The following MAF variants were observed in gnomAD, a reference collection of about 807,000 sequenced individuals.
The protein encoded by MAF is MAF bZIP transcription factor.
A neutral mutation model predicts 22.0 loss-of-function variants in MAF; 10 were observed. The ratio of observed to expected loss-of-function variants is 0.45; its 90% CI spans 0.28 to 0.77. The LOEUF (loss-of-function observed/expected upper bound fraction) is 0.77, where lower values mean the gene tolerates loss of function less well. MAF is among the 30% of genes least tolerant of loss of function. The pLI, the probability that MAF is intolerant of heterozygous loss-of-function variation, is 0.12. For missense variants in MAF, 544 were observed against 548.4 expected (o/e 0.99, Z 0.08); for synonymous variants, 337 against 255.8 (o/e 1.32, Z -3.03).
At chr16:79,394,102 T>C in the MAF span, among the ~76,000 whole-genome samples, 1 of 152,180 alleles carries the variant, frequency 6.6e-6, no homozygotes, top group Non-Finnish European at 1.5e-5. Context: ...ATTCTCTGTG[T>C]GGTTGCCCAT....
chr16:79,224,496 G>C, the MAF span, among the ~76,000 whole-genome samples: 1 of 152,216 alleles, frequency 6.6e-6, no homozygotes, highest in African/African-American at 2.4e-5. Context: ...CATAGTATTG[G>C]AAGTTCTGGC....
chr16:79,221,918 A>AT, the MAF span, among the ~76,000 whole-genome samples: 2 of 151,964 alleles, frequency 1.3e-5, no homozygotes, highest in Non-Finnish European at 2.9e-5. Context: ...TTTGTCTTTG[A>AT]TTTTTTTTCA....
chr16:79,544,452 A>T, the MAF span, among the ~76,000 whole-genome samples: 1 of 152,136 alleles, frequency 6.6e-6, no homozygotes, highest in Non-Finnish European at 1.5e-5. Context: ...TCCCTAAATA[A>T]TATTCCATCA....
chr16:79,522,727 T>C, the MAF span, among the ~76,000 whole-genome samples: 1 of 152,194 alleles, frequency 6.6e-6, no homozygotes, highest in African/African-American at 2.4e-5. Flanking sequence ...CTTCCTGGAT[T>C]GAGATCAATC....
chr16:79,251,492 T>C, the MAF span, among the ~76,000 whole-genome samples: 5 of 152,208 alleles, frequency 3.3e-5, no homozygotes, highest in East Asian at 9.7e-4. Flanking sequence ...ATTTTTTGTA[T>C]TTTTAGTAGA....
At chr16:79,283,535 A>G in the MAF span, among the ~76,000 whole-genome samples, 2 of 152,184 alleles carry the variant, frequency 1.3e-5, no homozygotes, top group African/African-American at 4.8e-5. Flanking sequence ...TTTTCTGATG[A>G]CTGAAAGAAA....
the MAF span, among the ~76,000 whole-genome samples, chr16:79,241,810 A>G: frequency 7.2e-5 from 11 of 152,104 alleles, no homozygotes; most frequent in Non-Finnish European, 1.2e-4. Flanking sequence ...TGGGTTACCC[A>G]CAAAGGGAAG....
the MAF span, among the ~76,000 whole-genome samples, chr16:79,219,461 G>A: frequency 2.7e-5 from 4 of 148,008 alleles, no homozygotes; most frequent in South Asian, 6.5e-4. Context: ...TGAGGCAGGA[G>A]AATGGCGTGA....
the MAF span, among the ~76,000 whole-genome samples, chr16:79,223,206 G>C: frequency 6.6e-6 from 1 of 152,178 alleles, no homozygotes; most frequent in Admixed American, 6.5e-5. Flanking sequence ...TCAGGATTAA[G>C]AAACTCACTC....
the MAF span, among the ~76,000 whole-genome samples, chr16:79,304,516 T>G: frequency 6.6e-6 from 1 of 152,216 alleles, no homozygotes; most frequent in African/African-American, 2.4e-5. Flanking sequence ...ACCTTTTTTG[T>G]GGGTCTGGTC....
chr16:79,256,710 C>G, the MAF span, among the ~76,000 whole-genome samples: 1 of 152,128 alleles, frequency 6.6e-6, no homozygotes, highest in Non-Finnish European at 1.5e-5. Context: ...GTCTGTTCAC[C>G]GGCACTCAAT....
the MAF span, among the ~76,000 whole-genome samples, chr16:79,364,235 T>C: frequency 2.6e-5 from 4 of 151,824 alleles, no homozygotes; most frequent in African/African-American, 9.7e-5. Flanking sequence ...AGAAAACGAA[T>C]CCAAGAATGT....
At chr16:79,493,689 T>C in the MAF span, among the ~76,000 whole-genome samples, 2 of 151,982 alleles carry the variant, frequency 1.3e-5, no homozygotes, top group South Asian at 4.1e-4. Context: ...GACAAAAGAG[T>C]TGATAAAAGG....
chr16:79,552,770 A>AT, the MAF span, among the ~76,000 whole-genome samples: 7 of 151,984 alleles, frequency 4.6e-5, no homozygotes, highest in Non-Finnish European at 8.8e-5. Flanking sequence ...TGGGAGGGGC[A>AT]TTTTTTTCTC....
At chr16:79,237,986 G>T in the MAF span, among the ~76,000 whole-genome samples, 1 of 152,064 alleles carries the variant, frequency 6.6e-6, no homozygotes, top group Non-Finnish European at 1.5e-5. Context: ...CTCCTGACTT[G>T]CTTCTCTACT....
chr16:79,486,342 A>C, the MAF span, among the ~76,000 whole-genome samples: 2 of 152,246 alleles, frequency 1.3e-5, no homozygotes, highest in Non-Finnish European at 2.9e-5. Flanking sequence ...ACATTTTGAA[A>C]AAGTTTTGAA....
chr16:79,270,274 A>AG, the MAF span, among the ~76,000 whole-genome samples: 2 of 152,056 alleles, frequency 1.3e-5, no homozygotes, highest in Non-Finnish European at 2.9e-5. Flanking sequence ...TGAGGGCTGC[A>AG]GGGGGCTTTT....
chr16:79,404,044 T>C, the MAF span, among the ~76,000 whole-genome samples: 20 of 152,270 alleles, frequency 1.3e-4, no homozygotes, highest in Non-Finnish European at 2.2e-4. Context: ...ACATTTAGAA[T>C]TTGAAGAAAC....
the MAF span, among the ~76,000 whole-genome samples, chr16:79,269,859 G>A: frequency 6.6e-6 from 1 of 152,144 alleles, no homozygotes; most frequent in East Asian, 1.9e-4. Context: ...CTCTAAGGGA[G>A]AGGTTTGGCC....
Sources: gnomAD v4.1 joint callset for allele counts (sites outside exome capture counted in the v4.1 genomes callset) on GRCh38, gnomAD v4.1.1 for gene constraint, MANE v1.5 for transcripts, NCBI Gene and HGNC (gene_info 2026-07-23, HGNC 2026-07-21) for gene names.